RGS7: variants seen among roughly 807,000 people sequenced by gnomAD.
RGS7 encodes regulator of G-protein signaling 7.
Under a neutral mutation model 81.1 loss-of-function variants are expected in RGS7, and 27 were observed. That is an observed-to-expected ratio of 0.33 (90% CI 0.25 to 0.46). RGS7 has a LOEUF of 0.46. Ranked by LOEUF, RGS7 falls within the 20% of genes least tolerant of loss-of-function variation. RGS7 has a pLI of 1.00. For synonymous variants in RGS7, 208 were observed against 207.7 expected, an observed-to-expected ratio of 1.00 and a Z score of -0.01; for missense variants, 396 against 607.4, an observed-to-expected ratio of 0.65 and a Z score of 3.66.
rs1428939736 is a variant in RGS7 at position 241,147,780 on chromosome 1, T to TTTTTTATATATATA, written c.79-49019_79-49018insTATATATATAAAAA. On this transcript the variant is annotated intron_variant, in intron 2 of 18. Transcript: ENST00000440928. ...TTAAATATCCCATCTAGATTAAGTT[T>TTTTTTATATATATA]TATATATATATATATATATATATAT... is the stretch of plus-strand genomic sequence containing the variant. Among the ~76,000 whole-genome samples, 62 of 44,648 alleles carry TTTTTTATATATATA rather than the reference T, an allele frequency of 1.4e-3. 1 individual carries two copies. Among genetic ancestry groups the TTTTTTATATATATA allele is most frequent in the South Asian group, 3.6e-3 (3 of 822 alleles). The allele number at this position is 44,648 out of a possible 152,430, so 29.3% of individuals were successfully genotyped here.
At chr1:240,998,671 AG>A (rs1687670811) in intron 3 of RGS7, 5 of 1,143,778 alleles carry the variant, frequency 4.4e-6, no homozygotes, top group Non-Finnish European at 3.9e-6. Context: ...CCAGGCCAAA[AG>A]GGTTCAACAT....
intron 6 of RGS7, among the ~76,000 whole-genome samples, chr1:240,881,094 A>G (rs3856236): frequency 0.023 from 3,565 of 152,276 alleles, 148 homozygotes; most frequent in African/African-American, 0.078. Context: ...TACTGCAATT[A>G]TTCTTATTTT....
chr1:240,949,572 G>C (rs1421314566), intron 4 of RGS7, among the ~76,000 whole-genome samples: 1 of 152,180 alleles, frequency 6.6e-6, no homozygotes, highest in Non-Finnish European at 1.5e-5. Context: ...GATGGGCCGG[G>C]TGTGGTGGCT....
chr1:240,815,229 C>A (rs1390596905), intron 11 of RGS7, among the ~76,000 whole-genome samples: 1 of 151,880 alleles, frequency 6.6e-6, no homozygotes, highest in African/African-American at 2.4e-5. Context: ...ATAGTCCCAG[C>A]TACTCTGGGG....
At chr1:240,975,263 G>A (rs375371292) in intron 4 of RGS7, among the ~76,000 whole-genome samples, 10 of 152,078 alleles carry the variant, frequency 6.6e-5, no homozygotes, top group African/African-American at 2.4e-4. Context: ...TTAGCTGGGC[G>A]TGCTGGTGTG....
At chr1:241,087,976 CTATATA>C (rs1191726960) in intron 3 of RGS7, among the ~76,000 whole-genome samples, 3 of 94,750 alleles carry the variant, frequency 3.2e-5, no homozygotes, top group African/African-American at 1.4e-4. Flanking sequence ...CTCTCTCTCT[CTATATA>C]TATATATATA....
At chr1:241,355,554 C>A (rs1416710894) in intron 2 of RGS7, 145 bp downstream of exon 2, 5 of 760,402 alleles carry the variant, frequency 6.6e-6, no homozygotes, top group Middle Eastern at 2.3e-4. Flanking sequence ...AATGTCAGAT[C>A]ACTTTCACGT....
chr1:240,852,942 A>G (rs1248982620), intron 9 of RGS7, among the ~76,000 whole-genome samples: 1 of 152,160 alleles, frequency 6.6e-6, no homozygotes, highest in African/African-American at 2.4e-5. Flanking sequence ...CACAACCAAC[A>G]TTGTCTGTGA....
chr1:241,210,391 A>G (rs528501356), intron 2 of RGS7, among the ~76,000 whole-genome samples: 1 of 152,200 alleles, frequency 6.6e-6, no homozygotes, highest in East Asian at 1.9e-4. Context: ...CTCGTGATCC[A>G]CCCACCTCGG....
intron 3 of RGS7, among the ~76,000 whole-genome samples, chr1:241,036,956 T>A (rs2060361648): frequency 6.6e-6 from 1 of 152,080 alleles, no homozygotes; most frequent in Non-Finnish European, 1.5e-5. Context: ...ACCCACAAGA[T>A]GAAAAAAGCT....
intron 2 of RGS7, among the ~76,000 whole-genome samples, chr1:241,275,378 T>C (rs1485548957): frequency 6.6e-6 from 1 of 152,182 alleles, no homozygotes; most frequent in Non-Finnish European, 1.5e-5. Flanking sequence ...GTGCAATGAG[T>C]CATTTTCATC....
chr1:241,082,687 T>C (rs1194239135), intron 3 of RGS7, among the ~76,000 whole-genome samples: 1 of 152,184 alleles, frequency 6.6e-6, no homozygotes, highest in Non-Finnish European at 1.5e-5. Flanking sequence ...CAATAATTGT[T>C]GTGTATTTCA....
intron 2 of RGS7, among the ~76,000 whole-genome samples, chr1:241,343,995 T>C (rs1451712274): frequency 6.6e-6 from 1 of 152,152 alleles, no homozygotes; most frequent in East Asian, 1.9e-4. Context: ...ACAGAGTAAT[T>C]TTATTTACCT....
intron 2 of RGS7, among the ~76,000 whole-genome samples, chr1:241,161,811 A>G (rs1209455956): frequency 6.7e-6 from 1 of 149,188 alleles, no homozygotes; most frequent in African/African-American, 2.5e-5. Context: ...TCCACCTCCC[A>G]GGTTCAAGCG....
At chr1:240,789,115 A>G (rs1685538246) in intron 18 of RGS7, among the ~76,000 whole-genome samples, 1 of 152,320 alleles carries the variant, frequency 6.6e-6, no homozygotes, top group African/African-American at 2.4e-5. Context: ...CCCCAAATTA[A>G]TACTTTTATA....
intron 2 of RGS7, among the ~76,000 whole-genome samples, chr1:241,301,023 C>T (rs936084519): frequency 1.3e-5 from 2 of 152,116 alleles, no homozygotes; most frequent in Non-Finnish European, 2.9e-5. Flanking sequence ...TGTCAAGCAC[C>T]TTTTCATATT....
intron 2 of RGS7, among the ~76,000 whole-genome samples, chr1:241,206,380 A>G (rs993902042): frequency 6.6e-6 from 1 of 151,776 alleles, no homozygotes. Context: ...GCCCACCACC[A>G]CACCTGGTTA....
chr1:241,273,441 CTT>C (rs5782183), intron 2 of RGS7, among the ~76,000 whole-genome samples: 10 of 151,306 alleles, frequency 6.6e-5, no homozygotes, highest in Admixed American at 1.3e-4. Context: ...CATCTGTTAG[CTT>C]TTTTTTTTGA....
intron 6 of RGS7, among the ~76,000 whole-genome samples, chr1:240,908,954 G>A (rs763058471): frequency 2.9e-4 from 44 of 152,170 alleles, no homozygotes; most frequent in Non-Finnish European, 5.3e-4. Flanking sequence ...CATTTGGAAC[G>A]CACGAACTAA....
Sources: gnomAD v4.1 joint callset for allele counts (sites outside exome capture counted in the v4.1 genomes callset) on GRCh38, gnomAD v4.1.1 for gene constraint, MANE v1.5 for transcripts, NCBI Gene and HGNC (gene_info 2026-07-23, HGNC 2026-07-21) for gene names.